TSPAN12: variants seen among roughly 807,000 people sequenced by gnomAD.
TSPAN12 encodes tetraspanin-12.
In TSPAN12, 19 loss-of-function variants were observed where a neutral mutation model predicts 39.2. The ratio of observed to expected loss-of-function variants is 0.49; its 90% CI spans 0.34 to 0.71. TSPAN12 has a LOEUF of 0.71. TSPAN12 is among the 30% of genes least tolerant of loss of function. TSPAN12 has a pLI of 0.01. For missense variants in TSPAN12, 314 were observed against 359.9 expected (o/e 0.87, Z 1.03); for synonymous variants, 119 against 124.8 (o/e 0.95, Z 0.31).
Position 120,839,747 on chromosome 7 carries a change from C to T in TSPAN12, c.149+280G>A, listed in dbSNP as rs190201936. 1.2e-4 allele frequency among the ~76,000 whole-genome samples: 19 copies of T among 152,236 alleles called. No homozygotes were observed. In the East Asian group the frequency reaches 2.3e-3, roughly 19 times the overall value. On this transcript the variant is annotated intron_variant, in intron 3 of 7. Coordinates refer to ENST00000222747, the MANE Select transcript of TSPAN12 (RefSeq NM_012338.4). ...AAAGTAACTATGCTGGTTCTTTACA[C>T]GCACCTATGACATGGCTGATGCACA...
chr7:120,795,945 T>A (rs1259968250), intron 7 of TSPAN12, among the ~76,000 whole-genome samples: 1 of 152,230 alleles, frequency 6.6e-6, no homozygotes, highest in Non-Finnish European at 1.5e-5. Context: ...AAAAAAGTCA[T>A]CTTATTATTT....
chr7:120,789,250 T>C (rs779666109), intron 7 of TSPAN12, among the ~76,000 whole-genome samples: 1 of 152,168 alleles, frequency 6.6e-6, no homozygotes, highest in African/African-American at 2.4e-5. Flanking sequence ...GTGGGCCATA[T>C]GGTCTCTATG....
At chr7:120,824,373 C>T (rs374104829) in intron 4 of TSPAN12, among the ~76,000 whole-genome samples, 23 of 151,538 alleles carry the variant, frequency 1.5e-4, no homozygotes, top group African/African-American at 5.6e-4. Context: ...ACCTGGGAGG[C>T]GGAGGTTGCA....
intron 4 of TSPAN12, among the ~76,000 whole-genome samples, chr7:120,816,844 G>T (rs1794093299): frequency 1.3e-5 from 2 of 152,104 alleles, no homozygotes; most frequent in African/African-American, 4.8e-5. Context: ...AGCACAAGAG[G>T]AGGCATGAAG....
At chr7:120,822,367 A>G (rs1285336448) in intron 4 of TSPAN12, among the ~76,000 whole-genome samples, 1 of 152,108 alleles carries the variant, frequency 6.6e-6, no homozygotes, top group African/African-American at 2.4e-5. Context: ...TAAAGAAAGC[A>G]GATTCAACAC....
At chr7:120,849,371 T>C (rs1794729004) in intron 2 of TSPAN12, among the ~76,000 whole-genome samples, 1 of 152,232 alleles carries the variant, frequency 6.6e-6, no homozygotes, top group Non-Finnish European at 1.5e-5. Flanking sequence ...TGAATCAGAA[T>C]TGTATGTGTA....
intron 4 of TSPAN12, among the ~76,000 whole-genome samples, chr7:120,829,099 C>T (rs543305518): frequency 2.0e-5 from 3 of 152,116 alleles, no homozygotes; most frequent in South Asian, 4.1e-4. Context: ...AATTCAAATG[C>T]GCTGCTTAAC....
At position 120,787,432 on chromosome 7, in the gene TSPAN12, T is replaced by A. The variant is rs1467703144; in HGVS notation, c.*1160A>T. On this transcript the variant is annotated 3_prime_UTR_variant, in exon 8 of 8. Transcript: ENST00000222747. ...GCACTTTTCCCATTTCAAATAAATA[T>A]ACTATACTCTTGTAAAAAAATTTAA... is the stretch of plus-strand genomic sequence containing the variant. The A allele has an allele frequency of 6.6e-6, 1 of 152,596 alleles. No homozygotes were observed. Among genetic ancestry groups the A allele is most frequent in the Non-Finnish European group, 1.5e-5 (1 of 68,000 alleles). The allele number at this position is 152,596 out of a possible 1,614,324, so 9.5% of individuals were successfully genotyped here. A position where few individuals can be genotyped will look rare whatever the true frequency, so the allele number is the denominator to read the frequency against.
chr7:120,799,546 A>AATTATATATAATTATATATT (rs1180544098), intron 7 of TSPAN12, among the ~76,000 whole-genome samples: 143 of 103,714 alleles, frequency 1.4e-3, no homozygotes, highest in African/African-American at 5.5e-3. Context: ...ATATATAATT[A>AATTATATATAATTATATATT]TATATATAAT....
intron 6 of TSPAN12, among the ~76,000 whole-genome samples, chr7:120,806,893 G>A (rs1427693530): frequency 6.6e-6 from 1 of 152,068 alleles, no homozygotes; most frequent in Non-Finnish European, 1.5e-5. Flanking sequence ...GAAGTATTCT[G>A]AGTAATAATG....
At chr7:120,821,998 A>G (rs1160574792) in intron 4 of TSPAN12, among the ~76,000 whole-genome samples, 2 of 152,158 alleles carry the variant, frequency 1.3e-5, no homozygotes, top group East Asian at 1.9e-4. Context: ...GGTGGGGAAC[A>G]CAACTTCTTT....
At chr7:120,827,692 C>A (rs920608359) in intron 4 of TSPAN12, among the ~76,000 whole-genome samples, 1 of 152,106 alleles carries the variant, frequency 6.6e-6, no homozygotes. Context: ...ATAAACAAAC[C>A]AATGATGACG....
chr7:120,801,028 C>T (rs956266712), intron 7 of TSPAN12, among the ~76,000 whole-genome samples: 1 of 152,148 alleles, frequency 6.6e-6, no homozygotes, highest in Non-Finnish European at 1.5e-5. Context: ...ACAAGTGATC[C>T]ACCCGCCCCA....
chr7:120,857,712 G>T (rs903705865), intron 1 of TSPAN12, 108 bp downstream of exon 1: 1 of 152,132 alleles, frequency 6.6e-6, no homozygotes, highest in Non-Finnish European at 1.5e-5. Context: ...CGGCGGCAGG[G>T]AGCCCCAGAG....
rs1164749161 is a variant in TSPAN12 at position 120,856,846 on chromosome 7, G to A, written c.-70-13C>T. ...AAACGGCAGCGATCTGCAGGGGGCG[G>A]GGGAGAGAGAACACGGGACATCTCA... On this transcript the variant is annotated splice_polypyrimidine_tract_variant and intron_variant, in intron 1 of 7. Transcript: ENST00000222747. The A allele has an allele frequency of 1.4e-6, 2 of 1,454,416 alleles. No homozygotes were observed. The highest frequency in any genetic ancestry group is 1.4e-5 in the African/African-American group (1 of 71,552). The allele number at this position is 1,454,416 out of a possible 1,614,324, so 90.1% of individuals were successfully genotyped here.
At chr7:120,801,635 T>C (rs1463984495) in intron 7 of TSPAN12, among the ~76,000 whole-genome samples, 2 of 152,244 alleles carry the variant, frequency 1.3e-5, no homozygotes, top group Non-Finnish European at 2.9e-5. Flanking sequence ...GTTGACGTTC[T>C]GTCCCTCTTT....
chr7:120,846,986 T>C (rs576972031), intron 2 of TSPAN12, among the ~76,000 whole-genome samples: 2 of 152,016 alleles, frequency 1.3e-5, no homozygotes, highest in South Asian at 2.1e-4. Context: ...GTAAGCAAAA[T>C]TGGCACATGG....
intron 4 of TSPAN12, among the ~76,000 whole-genome samples, chr7:120,833,147 G>C (rs1168467195): frequency 1.3e-5 from 2 of 151,774 alleles, no homozygotes; most frequent in African/African-American, 4.8e-5. Context: ...TAAAATATTG[G>C]GCAGATACTG....
intron 4 of TSPAN12, among the ~76,000 whole-genome samples, chr7:120,832,301 G>A (rs1324397272): frequency 1.3e-5 from 2 of 152,054 alleles, no homozygotes; most frequent in East Asian, 1.9e-4. Flanking sequence ...CTGGAAACAC[G>A]CATTGGTTCT....
Sources: gnomAD v4.1 joint callset for allele counts (sites outside exome capture counted in the v4.1 genomes callset) on GRCh38, gnomAD v4.1.1 for gene constraint, MANE v1.5 for transcripts, NCBI Gene and HGNC (gene_info 2026-07-23, HGNC 2026-07-21) for gene names.